PPP1R21: variants seen among roughly 807,000 people sequenced by gnomAD.
PPP1R21 encodes the protein protein phosphatase 1 regulatory subunit 21, also known as KLRAQ motif containing 1.
A neutral mutation model predicts 112.8 loss-of-function variants in PPP1R21; 85 were observed. The ratio of observed to expected loss-of-function variants is 0.75; its 90% CI spans 0.63 to 0.90. The LOEUF is 0.90. Among genes scored for constraint, PPP1R21 ranks in the 40% least tolerant of loss-of-function variants. The pLI is 0.00. For synonymous variants in PPP1R21, 381 were observed against 322.3 expected (o/e 1.18, Z -1.95); for missense variants, 1,199 against 901.5 (o/e 1.33, Z -4.23).
At chr2:48,505,281 C>A (rs1670323503) in intron 17 of PPP1R21, among the ~76,000 whole-genome samples, 1 of 152,186 alleles carries the variant, frequency 6.6e-6, no homozygotes, top group Non-Finnish European at 1.5e-5. Flanking sequence ...CTGATCTTCT[C>A]TTCTCTCCTA....
chr2:48,471,773 G>A (rs938905783), intron 11 of PPP1R21, among the ~76,000 whole-genome samples: 1 of 152,064 alleles, frequency 6.6e-6, no homozygotes, highest in African/African-American at 2.4e-5. Context: ...TACAGAATAC[G>A]TCATTTAGTA....
At chr2:48,460,940 T>C (rs1035628057) in intron 6 of PPP1R21, among the ~76,000 whole-genome samples, 198 bp from the exon 7 acceptor site, 6 of 152,226 alleles carry the variant, frequency 3.9e-5, no homozygotes, top group Non-Finnish European at 7.3e-5. Context: ...CACATCATTC[T>C]CCAGAAGTCC....
In PPP1R21 at chr2:48,459,930, T is replaced by C. The variant is rs774561942; in HGVS notation, c.540+12T>C. ...AGGCTAAACTAGAAGTAAGCCCCAT[T>C]GTGAGAGCACACTAAAAAATAGTTA... is the stretch of plus-strand genomic sequence containing the variant. On this transcript the variant is annotated intron_variant, in intron 5 of 21. Transcript: ENST00000294952. 6.2e-7 allele frequency: 1 copy of C among 1,610,756 alleles called. No homozygotes were observed.
Position 48,460,209 on chromosome 2 carries a change from G to A in PPP1R21, c.599+56G>A. The A allele has an allele frequency of 3.2e-6, 5 of 1,565,272 alleles. No homozygotes were observed. The East Asian group carries it at 9.0e-5, about 28-fold the overall frequency. ...CTGAAGCAAGACTCAGAAGACATGG[G>A]TTTTGGTTGTAGCAGCTCCTCTGTT... On this transcript the variant is annotated intron_variant, in intron 6 of 21. Coordinates refer to ENST00000294952, the MANE Select transcript of PPP1R21 (RefSeq NM_001135629.3).
intron 19 of PPP1R21, among the ~76,000 whole-genome samples, chr2:48,507,985 G>C (rs911794107): frequency 1.3e-5 from 2 of 149,586 alleles, no homozygotes; most frequent in African/African-American, 4.9e-5. Context: ...GGCTGGTCTT[G>C]AACTCCTGAC....
intron 1 of PPP1R21, among the ~76,000 whole-genome samples, chr2:48,450,775 A>ATT (rs369377217): frequency 1.4e-5 from 2 of 146,656 alleles, no homozygotes. Flanking sequence ...TTTGCCATTG[A>ATT]TTTTTTTTTT....
chr2:48,454,330 C>CTG, intron 2 of PPP1R21, among the ~76,000 whole-genome samples: 1 of 152,208 alleles, frequency 6.6e-6, no homozygotes, highest in East Asian at 1.9e-4. Context: ...ATCTTTGTGT[C>CTG]TGTTCACTGT....
At position 48,490,088 on chromosome 2, in the gene PPP1R21, G is replaced by A. The variant is rs572602447; in HGVS notation, c.1447-930G>A. ...ACAAAAATTACCCGGATGTGGTGAC[G>A]GGCACCTGTAATCCCAGCTACTCAG... On this transcript the variant is annotated intron_variant, in intron 14 of 21. Coordinates refer to ENST00000294952, the MANE Select transcript of PPP1R21 (RefSeq NM_001135629.3). 9.2e-5 allele frequency among the ~76,000 whole-genome samples: 14 copies of A among 151,692 alleles called. No homozygotes were observed. The East Asian group carries it at 1.4e-3, about 15-fold the overall frequency.
chr2:48,482,893 C>G (rs1669088556), intron 13 of PPP1R21, among the ~76,000 whole-genome samples: 1 of 152,022 alleles, frequency 6.6e-6, no homozygotes. Context: ...AGATAGTAAG[C>G]CCAGCATCCA....
chr2:48,482,965 T>G (rs187584862), intron 13 of PPP1R21, among the ~76,000 whole-genome samples: 147 of 152,112 alleles, frequency 9.7e-4, no homozygotes, highest in African/African-American at 3.5e-3. Context: ...GGCTCCAGTG[T>G]GTCTTGTTCC....
At chr2:48,475,108 G>T (rs777124452) in intron 12 of PPP1R21, among the ~76,000 whole-genome samples, 4 of 152,116 alleles carry the variant, frequency 2.6e-5, no homozygotes, top group East Asian at 3.9e-4. Context: ...ATCCCAGCAC[G>T]TTGGGAGGCT....
intron 16 of PPP1R21, among the ~76,000 whole-genome samples, chr2:48,496,884 C>T (rs1669870223): frequency 6.6e-6 from 1 of 152,244 alleles, no homozygotes; most frequent in South Asian, 2.1e-4. Context: ...AATAGCTGAA[C>T]ACATAGAGGC....
chr2:48,445,691 G>C (rs778991733), intron 1 of PPP1R21, among the ~76,000 whole-genome samples: 1 of 152,182 alleles, frequency 6.6e-6, no homozygotes, highest in Non-Finnish European at 1.5e-5. Context: ...GGGTTTTGTC[G>C]TAGTGAGTTT....
chr2:48,462,898 T>G (rs939430541), intron 7 of PPP1R21, among the ~76,000 whole-genome samples: 1 of 152,128 alleles, frequency 6.6e-6, no homozygotes, highest in African/African-American at 2.4e-5. Context: ...TGGGGAGATG[T>G]GGAAGATCTT....
intron 3 of PPP1R21, among the ~76,000 whole-genome samples, chr2:48,457,120 C>T (rs1173535704): frequency 6.6e-6 from 1 of 152,008 alleles, no homozygotes; most frequent in Non-Finnish European, 1.5e-5. Flanking sequence ...ATCTGAACTT[C>T]AAACATGTTC....
Position 48,454,647 on chromosome 2 carries a change from A to G in PPP1R21, c.179A>G (p.Asp60Gly). The G allele has an allele frequency of 1.9e-6, 3 of 1,613,806 alleles. No homozygotes were observed. The highest frequency in any genetic ancestry group is 2.2e-5 in the East Asian group (1 of 44,884). ...QSLRKLQQEMDSLTFRNLQLA... is the reference protein window; with the variant it reads ...QSLRKLQQEMGSLTFRNLQLA... ...TTGAGAAAACTACAACAGGAAATGG[A>G]CAGTTTGACATTTCGAAATCTGCAG... Residue 60 changes from aspartate to glycine, a missense_variant, in exon 3 of 22, where the codon GAC becomes GGC. Physicochemically the swap from Asp to Gly is moderately conservative, Grantham distance 94. Transcript: ENST00000294952.
At chr2:48,449,495 A>G (rs767758429) in intron 1 of PPP1R21, among the ~76,000 whole-genome samples, 5 of 152,184 alleles carry the variant, frequency 3.3e-5, no homozygotes, top group African/African-American at 7.2e-5. Flanking sequence ...TGTCATCTCT[A>G]ACTTTCTAAA....
rs1670336100 is a variant in PPP1R21 at position 48,505,564 on chromosome 2, A to G, written c.1936A>G (p.Ile646Val). 6.5e-7 allele frequency: 1 copy of G among 1,549,358 alleles called. No homozygotes were observed. The highest frequency in any genetic ancestry group is 2.0e-5 in the Admixed American group (1 of 50,982). ...AAAGATTTTTCCCCTTATGTTCTAG[A>G]TTGGGACTTTAACCAGGACATCTGA... The part of the protein sequence containing the change: ...VLEPIQSTSL[I>V]GTLTRTSDSE... The change falls in exon 18 of 22, where the codon ATT (isoleucine) becomes GTT (valine). Residue 646 changes from isoleucine to valine, a missense_variant and splice_region_variant. Coordinates refer to ENST00000294952, the MANE Select transcript of PPP1R21 (RefSeq NM_001135629.3).
Position 48,454,577 on chromosome 2 carries a change from G to T in PPP1R21, c.127-18G>T. 1 of 1,613,848 alleles carries T rather than the reference G, an allele frequency of 6.2e-7. No homozygotes were observed. The highest frequency in any genetic ancestry group is 8.5e-7 in the Non-Finnish European group (1 of 1,179,842). On this transcript the variant is annotated intron_variant, in intron 2 of 21. Coordinates refer to ENST00000294952, the MANE Select transcript of PPP1R21 (RefSeq NM_001135629.3). Reference sequence around the variant, plus strand: ...ACAGCTAAACTGTGAGGACCAATCTGTTTTCACTTTGATATAGGAGCAACT... The same window carrying T: ...ACAGCTAAACTGTGAGGACCAATCTTTTTTCACTTTGATATAGGAGCAACT...
Sources: allele counts gnomAD v4.1 joint callset (sites outside exome capture counted in the v4.1 genomes callset), GRCh38; gene constraint gnomAD v4.1.1; transcripts MANE v1.5; gene names NCBI Gene and HGNC (gene_info 2026-07-23, HGNC 2026-07-21).